EP400: variants seen among roughly 807,000 people sequenced by gnomAD.
The protein encoded by EP400 is E1A binding protein p400.
A neutral mutation model predicts 354.1 loss-of-function variants in EP400; 105 were observed. The observed-to-expected ratio is 0.30, with a 90% CI of 0.25 to 0.35. The LOEUF (loss-of-function observed/expected upper bound fraction) is 0.35, where lower values mean the gene tolerates loss of function less well. Ranked by LOEUF, EP400 falls within the 10% of genes least tolerant of loss-of-function variation. The pLI is 1.00. For synonymous variants in EP400, 1,646 were observed against 1,716.9 expected, an observed-to-expected ratio of 0.96 and a Z score of 1.02; for missense variants, 3,280 against 4,121.0, an observed-to-expected ratio of 0.80 and a Z score of 5.59.
intron 12 of EP400, among the ~76,000 whole-genome samples, chr12:131,996,374 C>T (rs1477548115): frequency 1.3e-5 from 2 of 150,642 alleles, no homozygotes; most frequent in African/African-American, 2.5e-5. Context: ...TCACTGCAAG[C>T]TCTGCCTCCT....
At chr12:131,989,153 G>A (rs1192304192) in intron 7 of EP400, among the ~76,000 whole-genome samples, 4 of 152,220 alleles carry the variant, frequency 2.6e-5, no homozygotes, top group African/African-American at 9.6e-5. Flanking sequence ...GGCTAGAGTG[G>A]GAGCTGGTGG....
At chr12:132,006,652 G>C (rs1400006324) in intron 14 of EP400, 48 bp from the exon 15 acceptor site, 8 of 1,526,388 alleles carry the variant, frequency 5.2e-6, no homozygotes, top group Middle Eastern at 1.8e-4. Flanking sequence ...AAAAGTTTGG[G>C]TGATTATTTT....
rs1895361703 is a variant in EP400, at chr12:132,053,145, G to T, written c.7395-1G>T. On this transcript the variant is annotated splice_acceptor_variant, in intron 41 of 52. Coordinates refer to ENST00000389561, the MANE Select transcript of EP400 (RefSeq NM_015409.5). LOFTEE classifies it high-confidence loss of function. The stretch of plus-strand genomic sequence containing the variant: ...TTTTAACCTTTGCGTCTGTCTTTCA[G>T]TGGAATCAACTATGACAAGCCGCTG... 1 of 1,614,052 alleles carries T rather than the reference G, an allele frequency of 6.2e-7. No individual in the cohort carries two copies. The highest frequency in any genetic ancestry group is 8.5e-7 in the Non-Finnish European group (1 of 1,180,016).
At position 132,017,658 on chromosome 12, in the gene EP400, G is replaced by A. The variant is rs141645142; in HGVS notation, c.4047G>A (p.Ala1349=). 39 of 1,598,108 alleles carry A rather than the reference G, an allele frequency of 2.4e-5. No individual in the cohort carries two copies. In the East Asian group the frequency reaches 6.1e-4, roughly 25 times the overall value. Residue 1349 remains alanine (A), a synonymous_variant, in exon 20 of 53, where the codon GCG becomes GCA. Coordinates refer to ENST00000389561, the MANE Select transcript of EP400 (RefSeq NM_015409.5). This position sits in a 1 kb window ranked among gnomAD's most constrained non-coding sequence, Gnocchi z 5.0. ...GGCACCCAGGCTCTTCCTACGTGGC[G>A]GGGCCACTGGAGTATCCGTCCGCAT... ...EPRHPGSSYV[A]GPLEYPSASL... is the part of the protein sequence containing the mutation.
At chr12:132,037,498 C>A (rs879668625) in intron 30 of EP400, among the ~76,000 whole-genome samples, 184 bp from the exon 31 acceptor site, 1 of 152,102 alleles carries the variant, frequency 6.6e-6, no homozygotes, top group Non-Finnish European at 1.5e-5. Flanking sequence ...CTCTGGGAGG[C>A]GGGAGAGCTA....
Position 132,052,560 on chromosome 12 carries a change from G to A in EP400, c.7395-586G>A, listed in dbSNP as rs1489642920. Among the ~76,000 whole-genome samples the A allele has an allele frequency of 1.3e-5, 2 of 152,350 alleles. No individual in the cohort carries two copies. Among genetic ancestry groups the A allele is most frequent in the East Asian group, 1.9e-4 (1 of 5,188 alleles). Reference sequence around the variant, plus strand: ...CTCCATAGCAGCCAGTACGTCTTCAGACCCACTGCACATTTTACCTGTTTG... The same window carrying A: ...CTCCATAGCAGCCAGTACGTCTTCAAACCCACTGCACATTTTACCTGTTTG... On this transcript the variant is annotated intron_variant, in intron 41 of 52. Transcript: ENST00000389561. This position sits in a 1 kb window ranked among gnomAD's most constrained non-coding sequence, Gnocchi z 4.4.
chr12:131,976,183 T>C (rs1892466786), intron 2 of EP400, among the ~76,000 whole-genome samples: 1 of 152,252 alleles, frequency 6.6e-6, no homozygotes, highest in Non-Finnish European at 1.5e-5. Context: ...TGGGCATACA[T>C]ATTAAGGTCA....
intron 45 of EP400, among the ~76,000 whole-genome samples, chr12:132,056,598 G>A (rs1895525163): frequency 6.6e-6 from 1 of 152,166 alleles, no homozygotes; most frequent in Admixed American, 6.5e-5. Flanking sequence ...CACTCCAGGT[G>A]GATCACAGGC....
chr12:132,029,272 C>T lies in EP400; in HGVS notation c.5382-429C>T. ...GGCTGTGCGATCTTCGCTCTATTGT[C>T]ATTGTCCTGAAGGCTCCTTCACCCT... On this transcript the variant is annotated intron_variant, in intron 27 of 52. Transcript: ENST00000389561. The surrounding 1 kb of genome is among the most constrained non-coding windows in gnomAD (Gnocchi z 4.7). The T allele has an allele frequency of 5.5e-6, 1 of 183,288 alleles. No individual in the cohort carries two copies. The highest frequency in any genetic ancestry group is 1.1e-5 in the Non-Finnish European group (1 of 87,686). 11.4% of individuals were successfully genotyped at this position (183,288 alleles called of 1,614,324 possible). A position where few individuals can be genotyped will look rare whatever the true frequency, so the allele number is the denominator to read the frequency against.
chr12:132,053,386 A>ACCCCCCCCCCCCCCCCCCCCCCCCCCCC lies in EP400; in HGVS notation c.7517_7518insCCCCCCCCCCCCCCCCCCCCCCCCCCCC (p.Gln2506HisfsTer85). The ACCCCCCCCCCCCCCCCCCCCCCCCCCCC allele has an allele frequency of 6.7e-7, 1 of 1,489,328 alleles. No homozygotes were observed. Among genetic ancestry groups the ACCCCCCCCCCCCCCCCCCCCCCCCCCCC allele is most frequent in the Non-Finnish European group, 8.9e-7 (1 of 1,122,184 alleles). The allele number at this position is 1,489,328 out of a possible 1,614,324, so 92.3% of individuals were successfully genotyped here. A position where few individuals can be genotyped will look rare whatever the true frequency, so the allele number is the denominator to read the frequency against. On this transcript the variant is annotated frameshift_variant, in exon 43 of 53. Transcript: ENST00000389561. LOFTEE classifies it high-confidence loss of function. ...AAGGCACAGCAGCCGGCCGTGGCCC[A>ACCCCCCCCCCCCCCCCCCCCCCCCCCCC]GCCACCCCCGCCCCAGCCGCAGCCC... is the stretch of plus-strand genomic sequence containing the variant.
chr12:132,074,390 G>A (rs1381154601), intron 51 of EP400, among the ~76,000 whole-genome samples: 1 of 151,166 alleles, frequency 6.6e-6, no homozygotes, highest in African/African-American at 2.4e-5. Context: ...TGTTGTTTTG[G>A]GTCACCTCTC....
In EP400 at chr12:132,021,260, C is replaced by G; in HGVS notation, c.4629C>G (p.Ala1543=). 2.0e-6 allele frequency: 3 copies of G among 1,537,600 alleles called. No homozygotes were observed. The highest frequency in any genetic ancestry group is 2.6e-6 in the Non-Finnish European group (3 of 1,147,852). ...AGCCCCAGGCCCCCTCGCACGCGGC[C>G]GGGCAGAGCGCGCTGCCTCAGAGGC... ...PPQPQAPSHA[A]GQSALPQRLV... Residue 1543 remains alanine, a synonymous_variant, in exon 23 of 53, where the codon GCC becomes GCG. Coordinates refer to ENST00000389561, the MANE Select transcript of EP400 (RefSeq NM_015409.5).
chr12:132,019,423 A>G (rs575119586), intron 21 of EP400, among the ~76,000 whole-genome samples: 3 of 152,248 alleles, frequency 2.0e-5, no homozygotes, highest in Admixed American at 2.0e-4. Context: ...CCCAGCTTAA[A>G]GTGGGCACAG....
Position 132,043,701 on chromosome 12 carries a change from T to C in EP400, c.6423T>C (p.Ile2141=), listed in dbSNP as rs545763269. Residue 2141 remains isoleucine (I), a synonymous_variant, in exon 34 of 53, where the codon ATT becomes ATC. Transcript: ENST00000389561. ...ACCTGGAATTATTCCATACTTCTAT[T>C]GAGCAAGAAAAGGAGAGAAACAGTG... is the stretch of plus-strand genomic sequence containing the variant. ...LNYLELFHTS[I]EQEKERNSED... 1.4e-5 allele frequency: 23 copies of C among 1,611,354 alleles called. No homozygotes were observed. Among genetic ancestry groups the C allele is most frequent in the Admixed American group, 3.4e-5 (2 of 59,434 alleles).
rs756937123 is a variant in EP400 at position 132,066,987 on chromosome 12, C to T, written c.8749+18C>T. ...GGCAGCAGGTGCCCGCCCCAGCACA[C>T]CCTCCCGTCCTGGGCTTGAGCCTGG... On this transcript the variant is annotated intron_variant, in intron 49 of 52. Coordinates refer to ENST00000389561, the MANE Select transcript of EP400 (RefSeq NM_015409.5). 1.3e-6 allele frequency: 2 copies of T among 1,563,060 alleles called. No homozygotes were observed. Among genetic ancestry groups the T allele is most frequent in the East Asian group, 2.3e-5 (1 of 43,328 alleles).
chr12:132,029,454 T>C lies in EP400; in HGVS notation c.5382-247T>C. On this transcript the variant is annotated intron_variant, in intron 27 of 52. Transcript: ENST00000389561. The surrounding 1 kb of genome is among the most constrained non-coding windows in gnomAD (Gnocchi z 4.7). ...TGCGGCCTAGGGAATCCACCCCCAT[T>C]GATCCATCAGCCCTGGACTGTCTGA... 2 of 548,996 alleles carry C rather than the reference T, an allele frequency of 3.6e-6. No homozygotes were observed. Among genetic ancestry groups the C allele is most frequent in the Non-Finnish European group, 6.5e-6 (2 of 309,158 alleles). 34.0% of individuals were successfully genotyped at this position (548,996 alleles called of 1,614,324 possible).
chr12:131,987,598 G>T, intron 6 of EP400, 107 bp from the exon 7 acceptor site: 1 of 903,304 alleles, frequency 1.1e-6, no homozygotes, highest in Non-Finnish European at 1.6e-6. Context: ...CTTTCTTAGT[G>T]CCTGACTGAG....
rs766112869 is a variant in EP400, at chr12:132,067,332, T to C, written c.8750-30T>C. The C allele has an allele frequency of 8.1e-6, 13 of 1,606,418 alleles. No homozygotes were observed. Among genetic ancestry groups the C allele is most frequent in the Non-Finnish European group, 1.1e-5 (13 of 1,175,302 alleles). ...TGAGCCTCAAGCTCTTTTCCCAGTG[T>C]GCTGACTAAGGGGCTTTTGCTGCCT... On this transcript the variant is annotated intron_variant, in intron 49 of 52. Coordinates refer to ENST00000389561, the MANE Select transcript of EP400 (RefSeq NM_015409.5). This position sits in a 1 kb window ranked among gnomAD's most constrained non-coding sequence, Gnocchi z 5.3.
chr12:132,068,657 C>G (rs546284733), intron 50 of EP400: 12 of 152,440 alleles, frequency 7.9e-5, no homozygotes, highest in African/African-American at 2.2e-4. Context: ...GGTAGTGCCA[C>G]CAGCTCCGCC....
Sources: gnomAD v4.1 joint callset for allele counts (sites outside exome capture counted in the v4.1 genomes callset) on GRCh38, gnomAD v4.1.1 for gene constraint, Gnocchi (gnomAD v3.1) non-coding constraint, MANE v1.5 for transcripts, NCBI Gene and HGNC (gene_info 2026-07-23, HGNC 2026-07-21) for gene names.